Variants in GAP43 observed in about 807,000 individuals in gnomAD.
The protein encoded by GAP43 is neuromodulin.
In GAP43, 6 loss-of-function variants were observed where a neutral mutation model predicts 18.6. The ratio of observed to expected loss-of-function variants is 0.32; its 90% CI spans 0.18 to 0.64. The LOEUF is 0.64. Ranked by LOEUF, GAP43 falls within the 30% of genes least tolerant of loss-of-function variation. GAP43 has a pLI of 0.78. For missense variants in GAP43, 292 were observed against 295.5 expected, an observed-to-expected ratio of 0.99 and a Z score of 0.09; for synonymous variants, 115 against 111.4, an observed-to-expected ratio of 1.03 and a Z score of -0.20.
intron 1 of GAP43, among the ~76,000 whole-genome samples, chr3:115,649,243 C>G (rs905312053): frequency 2.6e-5 from 4 of 152,082 alleles, no homozygotes; most frequent in Non-Finnish European, 4.4e-5. Context: ...AGAAGGGCAA[C>G]AAGGAATAAA....
intron 1 of GAP43, among the ~76,000 whole-genome samples, chr3:115,645,278 T>C (rs1435641771): frequency 6.6e-6 from 1 of 152,064 alleles, no homozygotes; most frequent in Non-Finnish European, 1.5e-5. Flanking sequence ...GTTCAGGCTT[T>C]GGTGCAGTAT....
At chr3:115,627,056 TA>T (rs1341837953) in intron 1 of GAP43, among the ~76,000 whole-genome samples, 1 of 151,640 alleles carries the variant, frequency 6.6e-6, no homozygotes, top group East Asian at 1.9e-4. Context: ...TTTTTTTTTT[TA>T]ATAGTGATTT....
intron 1 of GAP43, among the ~76,000 whole-genome samples, chr3:115,634,525 C>T (rs1288866260): frequency 3.3e-5 from 5 of 152,088 alleles, no homozygotes; most frequent in Middle Eastern, 3.4e-3. Flanking sequence ...CTTGTAATCC[C>T]AGAAATTCGG....
intron 1 of GAP43, among the ~76,000 whole-genome samples, chr3:115,632,836 C>A (rs910128472): frequency 2.6e-5 from 4 of 151,976 alleles, no homozygotes; most frequent in African/African-American, 9.7e-5. Context: ...ATAATGATTT[C>A]TTTAATTATA....
At chr3:115,673,334 T>C (rs1416661932) in intron 1 of GAP43, among the ~76,000 whole-genome samples, 6 of 152,224 alleles carry the variant, frequency 3.9e-5, no homozygotes, top group Non-Finnish European at 7.3e-5. Flanking sequence ...CTTCTCTTTG[T>C]GATTTCCAGC....
intron 1 of GAP43, among the ~76,000 whole-genome samples, chr3:115,631,784 C>T (rs760234635): frequency 1.2e-4 from 19 of 152,174 alleles, no homozygotes; most frequent in Non-Finnish European, 2.4e-4. Flanking sequence ...CCACGCCTGG[C>T]TCACTTTTGA....
chr3:115,677,251 A>G (rs1708904238), intron 2 of GAP43, among the ~76,000 whole-genome samples: 3 of 152,196 alleles, frequency 2.0e-5, no homozygotes, highest in Admixed American at 2.0e-4. Context: ...AAGTCTGTCG[A>G]TGTTGCCAAA....
intron 1 of GAP43, among the ~76,000 whole-genome samples, chr3:115,629,483 G>A (rs1275615843): frequency 1.3e-5 from 2 of 149,188 alleles, no homozygotes; most frequent in Non-Finnish European, 3.0e-5. Flanking sequence ...TCCACTCTCT[G>A]CCCATGTTAC....
intron 1 of GAP43, among the ~76,000 whole-genome samples, chr3:115,674,295 T>A (rs1013541113): frequency 6.6e-6 from 1 of 152,210 alleles, no homozygotes. Context: ...AAAAGTTCAA[T>A]GCTCAAGTTA....
At chr3:115,654,634 C>T (rs1251916962) in intron 1 of GAP43, among the ~76,000 whole-genome samples, 1 of 152,118 alleles carries the variant, frequency 6.6e-6, no homozygotes, top group African/African-American at 2.4e-5. Context: ...TTTTTTTCTC[C>T]TCCAGCAAAA....
intron 2 of GAP43, among the ~76,000 whole-genome samples, chr3:115,703,611 G>C (rs148001014): frequency 5.4e-4 from 82 of 152,130 alleles, no homozygotes; most frequent in African/African-American, 1.9e-3. Flanking sequence ...CAAATAAATA[G>C]GATTTTGAAA....
chr3:115,662,237 C>A (rs1261660601), intron 1 of GAP43, among the ~76,000 whole-genome samples: 1 of 151,990 alleles, frequency 6.6e-6, no homozygotes, highest in African/African-American at 2.4e-5. Context: ...CCCTGCATAC[C>A]CACTGCACTA....
chr3:115,700,889 T>C (rs547080355), intron 2 of GAP43, among the ~76,000 whole-genome samples: 7 of 152,272 alleles, frequency 4.6e-5, no homozygotes, highest in Non-Finnish European at 8.8e-5. Context: ...TTACTACTCA[T>C]TGAGAAATTT....
At chr3:115,703,970 G>A (rs1709328599) in intron 2 of GAP43, among the ~76,000 whole-genome samples, 1 of 152,142 alleles carries the variant, frequency 6.6e-6, no homozygotes, top group South Asian at 2.1e-4. Context: ...TTCTGGTTGT[G>A]TTCCAGTGAG....
chr3:115,682,850 A>T (rs1708973812), intron 2 of GAP43, among the ~76,000 whole-genome samples: 1 of 152,148 alleles, frequency 6.6e-6, no homozygotes, highest in Non-Finnish European at 1.5e-5. Flanking sequence ...CTCTTTAGTT[A>T]AAAAAGTAAG....
chr3:115,641,049 T>C (rs1231435632), intron 1 of GAP43, among the ~76,000 whole-genome samples: 4 of 149,056 alleles, frequency 2.7e-5, no homozygotes, highest in African/African-American at 4.9e-5. Context: ...TTTTTTTTTT[T>C]CAATGAGGTT....
intron 2 of GAP43, among the ~76,000 whole-genome samples, chr3:115,713,442 T>G (rs1709465570): frequency 6.6e-6 from 1 of 152,204 alleles, no homozygotes; most frequent in African/African-American, 2.4e-5. Flanking sequence ...GGGCCTGGAC[T>G]GGAGCCAGAA....
chr3:115,686,990 T>A (rs1709043334), intron 2 of GAP43, among the ~76,000 whole-genome samples: 1 of 152,166 alleles, frequency 6.6e-6, no homozygotes, highest in African/African-American at 2.4e-5. Context: ...TTCAAAATTG[T>A]TAGCCTAGGC....
At chr3:115,652,212 A>T (rs537381507) in intron 1 of GAP43, among the ~76,000 whole-genome samples, 17 of 152,052 alleles carry the variant, frequency 1.1e-4, no homozygotes, top group Non-Finnish European at 2.5e-4. Flanking sequence ...CGCTCATTTA[A>T]TTCTGAAGAT....
Sources: allele counts gnomAD v4.1 joint callset (sites outside exome capture counted in the v4.1 genomes callset), GRCh38; gene constraint gnomAD v4.1.1; transcripts MANE v1.5; gene names NCBI Gene and HGNC (gene_info 2026-07-23, HGNC 2026-07-21).